The following INSL6 variants were observed in gnomAD, a reference collection of about 807,000 sequenced individuals.
The protein encoded by INSL6 is insulin like 6, also known as insulin-like peptide INSL6.
A neutral mutation model predicts 9.4 loss-of-function variants in INSL6; 16 were observed. The observed-to-expected ratio is 1.70, with a 90% CI of 1.15 to 2.59. The LOEUF is 2.59. INSL6 is among the 30% of genes most tolerant of loss of function. The probability of loss-of-function intolerance (pLI) is 0.00; values close to 1 mark genes in which losing one functional copy is unlikely to be tolerated. For synonymous variants in INSL6, 154 were observed against 96.9 expected, an observed-to-expected ratio of 1.59 and a Z score of -3.46; for missense variants, 391 against 257.3, an observed-to-expected ratio of 1.52 and a Z score of -3.56.
the INSL6 span, chr9:5,068,990 C>T: frequency 8.0e-7 from 1 of 1,252,076 alleles, no homozygotes; most frequent in Non-Finnish European, 1.1e-6. Flanking sequence ...TTGTGACTAT[C>T]CCTCCCTTTC....
the INSL6 span, chr9:5,041,260 C>A: frequency 7.3e-6 from 10 of 1,366,790 alleles, no homozygotes; most frequent in South Asian, 1.2e-5. Context: ...TCCACATCAT[C>A]GACCTCGGGC....
the INSL6 span, among the ~76,000 whole-genome samples, chr9:5,104,575 C>T: frequency 6.6e-6 from 1 of 152,156 alleles, no homozygotes; most frequent in Non-Finnish European, 1.5e-5. Context: ...CCAGCATCAG[C>T]CCGATACCAA....
chr9:5,063,910 C>CACTT, the INSL6 span, among the ~76,000 whole-genome samples: 1 of 152,246 alleles, frequency 6.6e-6, no homozygotes, highest in Admixed American at 6.5e-5. Context: ...GTAATCCCAG[C>CACTT]ACTTTGGGAG....
intron 2 of INSL6, among the ~76,000 whole-genome samples, chr9:5,141,297 G>A (rs1824493597): frequency 1.3e-5 from 2 of 152,092 alleles, no homozygotes; most frequent in Non-Finnish European, 2.9e-5. Flanking sequence ...TTCCACAATG[G>A]TTGAACTAAT....
At chr9:5,079,327 T>A in the INSL6 span, among the ~76,000 whole-genome samples, 2 of 152,228 alleles carry the variant, frequency 1.3e-5, no homozygotes, top group African/African-American at 4.8e-5. Flanking sequence ...TAGGGTTATA[T>A]TGCTTCTTCC....
intron 2 of INSL6, among the ~76,000 whole-genome samples, chr9:5,153,472 G>T (rs1318697150): frequency 2.0e-5 from 3 of 152,164 alleles, no homozygotes; most frequent in African/African-American, 7.2e-5. Flanking sequence ...AGGCCACCGT[G>T]GAAAGACTGC....
chr9:5,126,469 G>C, intron 3 of INSL6: 1 of 1,460,756 alleles, frequency 6.8e-7, no homozygotes, highest in East Asian at 2.3e-5. Context: ...TTTTAATCCA[G>C]GGTAGTCATG....
the INSL6 span, chr9:5,094,933 T>C: frequency 7.9e-5 from 12 of 152,284 alleles, no homozygotes; most frequent in East Asian, 1.4e-3. Flanking sequence ...ATATACCTTT[T>C]ATGAAAAAAT....
At chr9:5,121,888 A>G (rs1353691571), downstream of INSL6, among the ~76,000 whole-genome samples, 1 of 152,168 alleles carries the variant, frequency 6.6e-6, no homozygotes, top group Non-Finnish European at 1.5e-5. Context: ...GGAAGAGCAT[A>G]TTTTGCAAGG....
At chr9:5,051,768 C>T in the INSL6 span, among the ~76,000 whole-genome samples, 1 of 152,160 alleles carries the variant, frequency 6.6e-6, no homozygotes, top group Admixed American at 6.5e-5. Context: ...CTCCCAATAA[C>T]TGGCTTCAGT....
the INSL6 span, among the ~76,000 whole-genome samples, chr9:5,056,461 A>T: frequency 7.2e-5 from 11 of 152,118 alleles, no homozygotes; most frequent in African/African-American, 2.7e-4. Flanking sequence ...TTAAGTATTT[A>T]TATGGCTTAC....
chr9:5,041,358 G>C, the INSL6 span: 17 of 628,104 alleles, frequency 2.7e-5, no homozygotes, highest in South Asian at 3.0e-4. Context: ...TGCTACATGA[G>C]CATCAACATG....
chr9:5,164,352 T>A, intron 1 of INSL6, 87 bp from the exon 2 acceptor site: 1 of 826,642 alleles, frequency 1.2e-6, no homozygotes, highest in Non-Finnish European at 1.9e-6. Context: ...AATCAGCTAA[T>A]TATTAAAAAA....
At chr9:5,024,229 C>A in the INSL6 span, among the ~76,000 whole-genome samples, 1 of 152,020 alleles carries the variant, frequency 6.6e-6, no homozygotes, top group South Asian at 2.1e-4. Context: ...GCACTCCAGC[C>A]TGGGCGACAG....
chr9:5,101,967 A>G, the INSL6 span, among the ~76,000 whole-genome samples: 9 of 152,328 alleles, frequency 5.9e-5, no homozygotes, highest in African/African-American at 1.9e-4. Flanking sequence ...GAAAAGCTGA[A>G]AATTCTAAAA....
chr9:5,081,900 T>G, the INSL6 span: 25 of 1,527,362 alleles, frequency 1.6e-5, no homozygotes, highest in Non-Finnish European at 2.2e-5. Flanking sequence ...GTATAATCAT[T>G]TCATTTAGGA....
chr9:5,058,759 GTGATTT>G, the INSL6 span, among the ~76,000 whole-genome samples: 1 of 152,130 alleles, frequency 6.6e-6, no homozygotes, highest in Non-Finnish European at 1.5e-5. Flanking sequence ...GTATCTCATT[GTGATTT>G]TGATTCACAT....
downstream of INSL6, among the ~76,000 whole-genome samples, chr9:5,160,046 G>C (rs1824892853): frequency 6.6e-6 from 1 of 151,976 alleles, no homozygotes; most frequent in African/African-American, 2.4e-5. Flanking sequence ...TGTGGTTGTG[G>C]GTGCCTGTAA....
At chr9:5,180,114 A>C (rs916979154) in intron 1 of INSL6, among the ~76,000 whole-genome samples, 9 of 152,212 alleles carry the variant, frequency 5.9e-5, no homozygotes, top group African/African-American at 2.2e-4. Flanking sequence ...AGAGGAACAT[A>C]AATTGTGAAG....
Sources: gnomAD v4.1 joint callset for allele counts (sites outside exome capture counted in the v4.1 genomes callset) on GRCh38, gnomAD v4.1.1 for gene constraint, MANE v1.5 for transcripts, NCBI Gene and HGNC (gene_info 2026-07-23, HGNC 2026-07-21) for gene names.